The following FHIT variants were observed in gnomAD, a reference collection of about 807,000 sequenced individuals.
FHIT encodes bis(5'-adenosyl)-triphosphatase.
Under a neutral mutation model 17.9 loss-of-function variants are expected in FHIT, and 19 were observed. The ratio of observed to expected loss-of-function variants is 1.06; its 90% CI spans 0.74 to 1.56. The LOEUF is 1.56. FHIT is among the 40% of genes most tolerant of loss of function. The probability of loss-of-function intolerance (pLI) is 0.00; values close to 1 mark genes in which losing one functional copy is unlikely to be tolerated. For synonymous variants in FHIT, 81 were observed against 69.7 expected (o/e 1.16, Z -0.81); for missense variants, 248 against 189.2 (o/e 1.31, Z -1.82).
intron 5 of FHIT, among the ~76,000 whole-genome samples, chr3:60,175,434 T>C (rs900635943): frequency 2.6e-5 from 4 of 152,152 alleles, no homozygotes; most frequent in African/African-American, 4.8e-5. Flanking sequence ...AGCATAATTA[T>C]ATATGCTAAC....
chr3:60,501,417 A>G (rs13098406), intron 5 of FHIT, among the ~76,000 whole-genome samples: 14,438 of 152,254 alleles, frequency 0.095, 788 homozygotes, highest in South Asian at 0.2. Flanking sequence ...TTCTTTTAAA[A>G]GATCCAAACT....
At chr3:61,118,200 G>A (rs562198640) in intron 2 of FHIT, among the ~76,000 whole-genome samples, 2 of 152,232 alleles carry the variant, frequency 1.3e-5, no homozygotes, top group African/African-American at 4.8e-5. Context: ...CCGTGATAAG[G>A]CTCATTAAGT....
chr3:61,094,927 A>T (rs2035593103), intron 2 of FHIT, among the ~76,000 whole-genome samples: 1 of 152,164 alleles, frequency 6.6e-6, no homozygotes, highest in African/African-American at 2.4e-5. Context: ...TTATTTCTGG[A>T]ATTTTATAGT....
intron 1 of FHIT, among the ~76,000 whole-genome samples, chr3:61,213,225 G>C (rs1364322303): frequency 6.6e-6 from 1 of 152,212 alleles, no homozygotes; most frequent in African/African-American, 2.4e-5. Context: ...TGGATAAAGA[G>C]TCAAGACCCA....
intron 5 of FHIT, among the ~76,000 whole-genome samples, chr3:60,384,336 A>G (rs1411306068): frequency 6.6e-6 from 1 of 152,158 alleles, no homozygotes; most frequent in Admixed American, 6.5e-5. Context: ...AACTTCCATA[A>G]TATCTTAAGT....
intron 8 of FHIT, among the ~76,000 whole-genome samples, chr3:59,874,349 G>T: frequency 6.6e-6 from 1 of 152,166 alleles, no homozygotes; most frequent in East Asian, 1.9e-4. Context: ...GTTAAAAATT[G>T]ATCCATAATT....
intron 5 of FHIT, among the ~76,000 whole-genome samples, chr3:60,074,624 T>C (rs936269089): frequency 2.6e-5 from 4 of 151,376 alleles, no homozygotes; most frequent in Non-Finnish European, 5.9e-5. Flanking sequence ...GAGGTCACGT[T>C]GTTACTGTTT....
intron 4 of FHIT, among the ~76,000 whole-genome samples, chr3:60,712,189 T>G (rs567232253): frequency 3.7e-4 from 57 of 152,176 alleles, no homozygotes; most frequent in African/African-American, 1.3e-3. Flanking sequence ...GCTTCATAAG[T>G]GAAGGAGAAA....
At chr3:59,890,619 GC>G (rs1170816633) in intron 8 of FHIT, among the ~76,000 whole-genome samples, 2 of 152,064 alleles carry the variant, frequency 1.3e-5, no homozygotes, top group Non-Finnish European at 2.9e-5. Flanking sequence ...AGCCAAACCA[GC>G]TTATGCATCT....
At chr3:60,339,272 C>T (rs1466705300) in intron 5 of FHIT, among the ~76,000 whole-genome samples, 1 of 152,020 alleles carries the variant, frequency 6.6e-6, no homozygotes, top group African/African-American at 2.4e-5. Context: ...AACTAACTTT[C>T]CTAAACCTCT....
At chr3:60,461,450 A>T (rs73833904) in intron 5 of FHIT, among the ~76,000 whole-genome samples, 1 of 151,266 alleles carries the variant, frequency 6.6e-6, no homozygotes, top group Non-Finnish European at 1.5e-5. Context: ...TAATAAAACA[A>T]TATGTCATCT....
At position 60,241,961 on chromosome 3, in the gene FHIT, G is replaced by T. The variant is rs1300111008; in HGVS notation, c.104-227809C>A. On this transcript the variant is annotated intron_variant, in intron 5 of 9. Coordinates refer to ENST00000492590, the MANE Select transcript of FHIT (RefSeq NM_002012.4). ...ATATGTTCTTTAGCTCCTAGGTAGA[G>T]AAAAATTGTGGTAACAATCAAATGA... Among the ~76,000 whole-genome samples, 5 of 152,032 alleles carry T rather than the reference G, an allele frequency of 3.3e-5. No individual in the cohort carries two copies. In the East Asian group the frequency reaches 9.6e-4, roughly 29 times the overall value.
rs545251663 is a variant in FHIT at position 60,372,228 on chromosome 3, G to C, written c.103+164632C>G. 2.6e-5 allele frequency among the ~76,000 whole-genome samples: 4 copies of C among 152,222 alleles called. No individual in the cohort carries two copies. In the East Asian group the frequency reaches 7.7e-4, roughly 29 times the overall value. ...ATGTGGAATATTCCTACCTCCTTCT[G>C]TGAGAAGTCAGAAAATGAAGAGACG... On this transcript the variant is annotated intron_variant, in intron 5 of 9. Coordinates refer to ENST00000492590, the MANE Select transcript of FHIT (RefSeq NM_002012.4).
At chr3:60,029,503 C>G (rs1249554198) in intron 5 of FHIT, among the ~76,000 whole-genome samples, 4 of 152,168 alleles carry the variant, frequency 2.6e-5, no homozygotes, top group Admixed American at 6.6e-5. Flanking sequence ...TATGCAGTCT[C>G]TCTCCAGAAA....
intron 5 of FHIT, among the ~76,000 whole-genome samples, chr3:60,098,050 A>AT (rs1559629745): frequency 3.3e-5 from 5 of 151,456 alleles, no homozygotes; most frequent in African/African-American, 7.3e-5. Flanking sequence ...TGAACTGATT[A>AT]TTTTTTATGG....
chr3:61,204,574 TTAAC>T (rs2039145016), intron 1 of FHIT, among the ~76,000 whole-genome samples: 1 of 152,164 alleles, frequency 6.6e-6, no homozygotes, highest in African/African-American at 2.4e-5. Context: ...AGAAAATATT[TTAAC>T]TAAGTCCAGC....
chr3:60,228,883 T>C (rs1355787420), intron 5 of FHIT, among the ~76,000 whole-genome samples: 2 of 152,246 alleles, frequency 1.3e-5, no homozygotes, highest in East Asian at 3.9e-4. Flanking sequence ...CCCACAATAG[T>C]TCTATAAAAT....
At chr3:60,800,705 G>T (rs1279144083) in intron 4 of FHIT, among the ~76,000 whole-genome samples, 2 of 152,194 alleles carry the variant, frequency 1.3e-5, no homozygotes, top group African/African-American at 4.8e-5. Flanking sequence ...GGCCAGGGAA[G>T]AAGCCACGGA....
chr3:60,171,833 ATAGT>A (rs1202882684), intron 5 of FHIT, among the ~76,000 whole-genome samples: 1 of 151,510 alleles, frequency 6.6e-6, no homozygotes, highest in African/African-American at 2.4e-5. Context: ...AGCCTCCCAA[ATAGT>A]TAGGATTATA....
Sources: gnomAD v4.1 joint callset for allele counts (sites outside exome capture counted in the v4.1 genomes callset) on GRCh38, gnomAD v4.1.1 for gene constraint, MANE v1.5 for transcripts, NCBI Gene and HGNC (gene_info 2026-07-23, HGNC 2026-07-21) for gene names.